The following ANK3 variants were observed in gnomAD, a reference collection of about 807,000 sequenced individuals.
The protein encoded by ANK3 is ankyrin 3, also known as ankyrin-3.
ANK3 carries 57 observed loss-of-function variants against 370.9 expected under a neutral mutation model. The observed-to-expected ratio is 0.15, with a 90% CI of 0.12 to 0.19. ANK3 has a LOEUF of 0.19. Among genes scored for constraint, ANK3 ranks in the 10% least tolerant of loss-of-function variants. The pLI is 1.00. For synonymous variants in ANK3, 1,929 were observed against 1,946.3 expected (o/e 0.99, Z 0.23); for missense variants, 4,439 against 5,302.1 (o/e 0.84, Z 5.06).
intron 2 of ANK3, among the ~76,000 whole-genome samples, chr10:60,613,762 A>AC (rs1005800525): frequency 3.3e-5 from 5 of 150,794 alleles, no homozygotes; most frequent in Non-Finnish European, 7.4e-5. Context: ...ACAAAAACAA[A>AC]AAAAAAAATC....
intron 1 of ANK3, among the ~76,000 whole-genome samples, chr10:60,702,456 A>T (rs1239076739): frequency 1.3e-5 from 2 of 152,098 alleles, no homozygotes; most frequent in African/African-American, 4.8e-5. Context: ...TTATTTTGAG[A>T]CTGTTGGGTA....
At chr10:60,701,895 G>A (rs1564585517) in intron 1 of ANK3, among the ~76,000 whole-genome samples, 1 of 152,018 alleles carries the variant, frequency 6.6e-6, no homozygotes, top group African/African-American at 2.4e-5. Flanking sequence ...TAAAGGGGAA[G>A]GAAATAAGAT....
rs866112835 is a variant in ANK3 at position 60,076,005 on chromosome 10, G to A, written c.4876C>T (p.Pro1626Ser). ...AAAAGAGACCCTGCTGTAGTCACTG[G>A]AGAGGTTCGAGAGGAAAACGTAGAA... is the stretch of plus-strand genomic sequence containing the variant. ...SNSTFSSRTS[P>S]VTTAGSLLER... Residue 1626 changes from proline to serine, a missense_variant, in exon 37 of 44, where the codon CCA (proline) becomes TCA (serine). Pro to Ser is a moderately conservative substitution (Grantham distance 74). Transcript: ENST00000280772. 1 of 1,614,088 alleles carries A rather than the reference G, an allele frequency of 6.2e-7. No individual in the cohort carries two copies. Among genetic ancestry groups the A allele is most frequent in the Non-Finnish European group, 8.5e-7 (1 of 1,180,016 alleles).
chr10:60,053,619 C>T (rs1011467047), intron 42 of ANK3: 1 of 1,243,192 alleles, frequency 8.0e-7, no homozygotes, highest in African/African-American at 1.6e-5. Flanking sequence ...GGAATTTTCT[C>T]AGTACTCTTT....
intron 1 of ANK3, among the ~76,000 whole-genome samples, chr10:60,704,532 A>C (rs1406243578): frequency 6.6e-6 from 1 of 152,208 alleles, no homozygotes; most frequent in Non-Finnish European, 1.5e-5. Flanking sequence ...GAGAAAAAAA[A>C]ATAACCCCAG....
chr10:60,108,412 T>C, intron 27 of ANK3: 2 of 250,734 alleles, frequency 8.0e-6, no homozygotes, highest in South Asian at 8.0e-5. Flanking sequence ...AAATTCATTT[T>C]TCCTTTTTGT....
intron 8 of ANK3, among the ~76,000 whole-genome samples, chr10:60,219,276 T>G (rs2096999552): frequency 6.6e-6 from 1 of 152,226 alleles, no homozygotes; most frequent in East Asian, 1.9e-4. Flanking sequence ...TGAAGCCTAC[T>G]TCTGTCAATC....
At position 60,072,478 on chromosome 10, in the gene ANK3, TACA is replaced by T. The variant is rs752538918; in HGVS notation, c.8400_8402del (p.Val2801del). On this transcript the variant is annotated inframe_deletion, in exon 37 of 44. Coordinates refer to ENST00000280772, the MANE Select transcript of ANK3 (RefSeq NM_020987.5). ...TCACATTATCAGAGCCAGAATCATT[TACA>T]ACAATTTCGTTGCTTTGGGCATGCT... 9 of 1,614,070 alleles carry T rather than the reference TACA, an allele frequency of 5.6e-6. No individual in the cohort carries two copies. The East Asian group carries it at 2.0e-4, about 36-fold the overall frequency.
chr10:60,505,914 G>T (rs183578420), intron 2 of ANK3, among the ~76,000 whole-genome samples: 1 of 152,026 alleles, frequency 6.6e-6, no homozygotes, highest in Non-Finnish European at 1.5e-5. Flanking sequence ...GTAAAATGGC[G>T]AATATCACTG....
intron 2 of ANK3, among the ~76,000 whole-genome samples, chr10:60,473,544 G>A (rs1010901595): frequency 6.6e-6 from 1 of 152,102 alleles, no homozygotes; most frequent in African/African-American, 2.4e-5. Context: ...CTATCATGAA[G>A]ATAATAAGAA....
intron 2 of ANK3, among the ~76,000 whole-genome samples, chr10:60,422,625 C>T (rs1397563381): frequency 3.3e-5 from 5 of 152,070 alleles, no homozygotes; most frequent in Admixed American, 2.0e-4. Context: ...TTTAATAATG[C>T]CTTTCATTAA....
intron 2 of ANK3, among the ~76,000 whole-genome samples, chr10:60,540,765 ATAGCC>A (rs980538086): frequency 3.2e-4 from 48 of 152,086 alleles, no homozygotes; most frequent in African/African-American, 1.1e-3. Context: ...TATCACCAAC[ATAGCC>A]ATTGGGTTTA....
intron 1 of ANK3, 151 bp from the exon 2 acceptor site, chr10:60,279,790 A>G: frequency 1.5e-6 from 1 of 659,378 alleles, no homozygotes; most frequent in African/African-American, 1.9e-5. Context: ...AAGAACCAAG[A>G]AAAGGACACA....
chr10:60,698,694 T>C (rs1305957717), intron 1 of ANK3, among the ~76,000 whole-genome samples: 15 of 130,684 alleles, frequency 1.1e-4, no homozygotes, highest in Non-Finnish European at 2.2e-4. Context: ...TAGGTGGGAA[T>C]TGAACAATGA....
chr10:60,198,577 G>C, intron 13 of ANK3, 40 bp from the exon 14 acceptor site: 4 of 1,578,270 alleles, frequency 2.5e-6, no homozygotes, highest in Non-Finnish European at 3.5e-6. Flanking sequence ...ATGAGCTGAG[G>C]AAACAATGGT....
At chr10:60,685,817 C>A (rs2079260380) in intron 1 of ANK3, among the ~76,000 whole-genome samples, 1 of 152,146 alleles carries the variant, frequency 6.6e-6, no homozygotes, top group Non-Finnish European at 1.5e-5. Flanking sequence ...ATGTAAAGAA[C>A]AGAGGACTTT....
rs2131976286 is a variant in ANK3 at position 60,072,844 on chromosome 10, G to A, written c.8037C>T (p.Ser2679=). 2 of 1,614,096 alleles carry A rather than the reference G, an allele frequency of 1.2e-6. No individual in the cohort carries two copies. The highest frequency in any genetic ancestry group is 1.7e-5 in the Admixed American group (1 of 59,990). Residue 2679 remains serine (S), a synonymous_variant, in exon 37 of 44, where the codon TCC becomes TCT. Coordinates refer to ENST00000280772, the MANE Select transcript of ANK3 (RefSeq NM_020987.5). ...LPSSPEKMVL[S]QQTEDSKSTV... is the part of the protein sequence containing the mutation. Reference sequence around the variant, plus strand: ...TGGACTTGCTGTCCTCAGTCTGTTGGGAGAGAACCATCTTCTCTGGGCTGC... The same window carrying A: ...TGGACTTGCTGTCCTCAGTCTGTTGAGAGAGAACCATCTTCTCTGGGCTGC...
At chr10:60,229,564 T>C (rs1203185571) in intron 8 of ANK3, among the ~76,000 whole-genome samples, 1 of 152,168 alleles carries the variant, frequency 6.6e-6, no homozygotes, top group Admixed American at 6.5e-5. Context: ...TACATCCAAA[T>C]GTCCCCTGAC....
At chr10:60,484,867 T>A (rs1206460792) in intron 2 of ANK3, among the ~76,000 whole-genome samples, 3 of 152,210 alleles carry the variant, frequency 2.0e-5, no homozygotes, top group Non-Finnish European at 4.4e-5. Flanking sequence ...TTTCCTTTTA[T>A]ATCAAGTAAA....
Sources: gnomAD v4.1 joint callset for allele counts (sites outside exome capture counted in the v4.1 genomes callset) on GRCh38, gnomAD v4.1.1 for gene constraint, MANE v1.5 for transcripts, NCBI Gene and HGNC (gene_info 2026-07-23, HGNC 2026-07-21) for gene names.